The following MDGA2 variants were observed in gnomAD, a reference collection of about 807,000 sequenced individuals.
MDGA2 encodes the protein MAM domain containing glycosylphosphatidylinositol anchor 2.
A neutral mutation model predicts 117.8 loss-of-function variants in MDGA2; 40 were observed. That is an observed-to-expected ratio of 0.34 (90% CI 0.26 to 0.44). MDGA2 has a LOEUF of 0.44. Among genes scored for constraint, MDGA2 ranks in the 20% least tolerant of loss-of-function variants. The pLI, the probability that MDGA2 is intolerant of heterozygous loss-of-function variation, is 1.00. For missense variants in MDGA2, 1,123 were observed against 1,250.6 expected, an observed-to-expected ratio of 0.90 and a Z score of 1.54; for synonymous variants, 452 against 439.0, an observed-to-expected ratio of 1.03 and a Z score of -0.37.
intron 1 of MDGA2, among the ~76,000 whole-genome samples, chr14:47,488,529 G>T (rs755844828): frequency 5.3e-5 from 8 of 152,036 alleles, no homozygotes; most frequent in Non-Finnish European, 1.2e-4. Flanking sequence ...GATTTTAAGG[G>T]ATATATGTTG....
At chr14:47,390,839 G>A (rs1358806368) in intron 1 of MDGA2, among the ~76,000 whole-genome samples, 8 of 152,012 alleles carry the variant, frequency 5.3e-5, no homozygotes, top group Non-Finnish European at 1.2e-4. Context: ...GTTTCTCCTG[G>A]AATTTTTCCT....
At chr14:47,504,682 GA>G (rs1000961142) in intron 1 of MDGA2, among the ~76,000 whole-genome samples, 14 of 151,584 alleles carry the variant, frequency 9.2e-5, no homozygotes, top group African/African-American at 3.4e-4. Context: ...ATAAAAAAAA[GA>G]AAAAAAATGC....
At chr14:46,938,911 C>T (rs747773471) in intron 9 of MDGA2, among the ~76,000 whole-genome samples, 2 of 152,088 alleles carry the variant, frequency 1.3e-5, no homozygotes, top group African/African-American at 4.8e-5. Flanking sequence ...TATATATACA[C>T]AATGAAATAC....
chr14:47,098,849 T>C (rs999309073), intron 5 of MDGA2, among the ~76,000 whole-genome samples: 1 of 151,972 alleles, frequency 6.6e-6, no homozygotes, highest in African/African-American at 2.4e-5. Flanking sequence ...TGACATTAAG[T>C]CCGGGAATAT....
chr14:46,875,859 C>CT lies in MDGA2; in HGVS notation c.2437+1629dup, dbSNP rs1882206591. On this transcript the variant is annotated intron_variant, in intron 12 of 16. Transcript: ENST00000399232. Reference sequence around the variant, plus strand: ...TCAGTTTATGTATCTACTGCCAAGTCTTACTTTTTATATGTTATTTAAAAT... The same window carrying CT: ...TCAGTTTATGTATCTACTGCCAAGTCTTTACTTTTTATATGTTATTTAAAAT... Among the ~76,000 whole-genome samples, 4 of 151,590 alleles carry CT rather than the reference C, an allele frequency of 2.6e-5. No homozygotes were observed. In the South Asian group the frequency reaches 8.3e-4, roughly 31 times the overall value.
intron 1 of MDGA2, among the ~76,000 whole-genome samples, chr14:47,345,966 T>C (rs763863870): frequency 9.2e-5 from 14 of 151,922 alleles, no homozygotes; most frequent in Admixed American, 8.5e-4. Flanking sequence ...GCAGAGAGAT[T>C]TCTTCAAGGA....
intron 1 of MDGA2, among the ~76,000 whole-genome samples, chr14:47,460,103 A>G (rs1247440999): frequency 6.6e-6 from 1 of 152,180 alleles, no homozygotes; most frequent in Non-Finnish European, 1.5e-5. Context: ...GAAAGGTGAT[A>G]TCATTTTCTT....
intron 1 of MDGA2, among the ~76,000 whole-genome samples, chr14:47,566,911 T>G (rs1348552380): frequency 1.3e-5 from 2 of 151,876 alleles, no homozygotes; most frequent in African/African-American, 4.8e-5. Context: ...TCTTCCTTTT[T>G]TTTTTTCTTT....
intron 1 of MDGA2, among the ~76,000 whole-genome samples, chr14:47,510,576 A>T: frequency 6.6e-6 from 1 of 152,202 alleles, no homozygotes; most frequent in South Asian, 2.1e-4. Flanking sequence ...TAATCAGAAC[A>T]TCCTTGAATA....
At position 47,072,101 on chromosome 14, in the gene MDGA2, T is replaced by TGA. The variant is rs1555349460; in HGVS notation, c.1196-10524_1196-10523insTC. On this transcript the variant is annotated intron_variant, in intron 6 of 16. Coordinates refer to ENST00000399232, the MANE Select transcript of MDGA2 (RefSeq NM_001113498.3). ...AGGAAGTTTGTTGGTTGTTGTTGTT[T>TGA]GGGGGGGGGGGGGTTTGCAGGTATT... Among the ~76,000 whole-genome samples the TGA allele has an allele frequency of 6.3e-3, 326 of 51,654 alleles. 11 individuals are homozygous for TGA. Among genetic ancestry groups the TGA allele is most frequent in the African/African-American group, 0.025 (314 of 12,506 alleles). 33.9% of individuals were successfully genotyped at this position (51,654 alleles called of 152,430 possible).
chr14:46,940,643 G>T (rs1884965217), intron 9 of MDGA2, among the ~76,000 whole-genome samples: 1 of 139,934 alleles, frequency 7.1e-6, no homozygotes, highest in Non-Finnish European at 1.6e-5. Context: ...AAAAAAAGTT[G>T]AACTTAATAG....
At chr14:47,106,702 G>T (rs553593659) in intron 5 of MDGA2, among the ~76,000 whole-genome samples, 77 of 151,850 alleles carry the variant, frequency 5.1e-4, no homozygotes, top group Admixed American at 2.6e-3. Flanking sequence ...CATCACAGAC[G>T]CCGAGCTTCC....
chr14:47,452,422 T>G (rs1893260904), intron 1 of MDGA2, among the ~76,000 whole-genome samples: 1 of 152,126 alleles, frequency 6.6e-6, no homozygotes, highest in Non-Finnish European at 1.5e-5. Context: ...GACATTATTT[T>G]TTAGTTACTT....
At chr14:47,323,448 A>C (rs1890050002) in intron 1 of MDGA2, among the ~76,000 whole-genome samples, 1 of 151,804 alleles carries the variant, frequency 6.6e-6, no homozygotes, top group African/African-American at 2.4e-5. Flanking sequence ...CAATATGGAG[A>C]AATCCTGTCT....
chr14:47,512,645 C>T (rs1894665269), intron 1 of MDGA2, among the ~76,000 whole-genome samples: 1 of 152,052 alleles, frequency 6.6e-6, no homozygotes, highest in Non-Finnish European at 1.5e-5. Context: ...AATTTAAATC[C>T]ACAGTTCAAT....
intron 1 of MDGA2, among the ~76,000 whole-genome samples, chr14:47,344,690 A>G (rs1381741676): frequency 6.6e-6 from 1 of 152,074 alleles, no homozygotes; most frequent in Non-Finnish European, 1.5e-5. Context: ...ATTAATATTT[A>G]TTAACCTATA....
chr14:47,086,990 T>C (rs1240843057), intron 6 of MDGA2, among the ~76,000 whole-genome samples: 4 of 152,166 alleles, frequency 2.6e-5, no homozygotes, highest in Admixed American at 1.3e-4. Flanking sequence ...CTGACACAGA[T>C]ATAGCATAGA....
chr14:47,021,733 G>C (rs757348250), intron 8 of MDGA2, among the ~76,000 whole-genome samples: 1 of 151,990 alleles, frequency 6.6e-6, no homozygotes, highest in African/African-American at 2.4e-5. Flanking sequence ...TTCCATACTC[G>C]AAGATTACTT....
At chr14:47,263,493 T>C (rs910706454) in intron 2 of MDGA2, among the ~76,000 whole-genome samples, 5 of 152,288 alleles carry the variant, frequency 3.3e-5, no homozygotes, top group Non-Finnish European at 7.4e-5. Context: ...GATCTACTAC[T>C]AGTTTTTTAG....
Sources: allele counts gnomAD v4.1 joint callset (sites outside exome capture counted in the v4.1 genomes callset), GRCh38; gene constraint gnomAD v4.1.1; transcripts MANE v1.5; gene names NCBI Gene and HGNC (gene_info 2026-07-23, HGNC 2026-07-21).